The following SORCS1 variants were observed in gnomAD, a reference collection of about 807,000 sequenced individuals.
SORCS1 encodes sortilin related VPS10 domain containing receptor 1, also known as VPS10 domain-containing receptor SorCS1.
Under a neutral mutation model 146.1 loss-of-function variants are expected in SORCS1, and 60 were observed. The ratio of observed to expected loss-of-function variants is 0.41; its 90% CI spans 0.33 to 0.51. SORCS1 has a LOEUF of 0.51. Among genes scored for constraint, SORCS1 ranks in the 20% least tolerant of loss-of-function variants. The pLI is 0.21. For missense variants in SORCS1, 1,352 were observed against 1,487.6 expected, an observed-to-expected ratio of 0.91 and a Z score of 1.50; for synonymous variants, 637 against 584.0, an observed-to-expected ratio of 1.09 and a Z score of -1.31.
chr10:106,833,695 G>C (rs946745240), intron 2 of SORCS1, among the ~76,000 whole-genome samples: 2 of 152,156 alleles, frequency 1.3e-5, no homozygotes, highest in Non-Finnish European at 2.9e-5. Context: ...CTGATCTGTC[G>C]ATGCCTTTGC....
chr10:106,752,390 T>C (rs1858323769), intron 5 of SORCS1, among the ~76,000 whole-genome samples: 1 of 152,194 alleles, frequency 6.6e-6, no homozygotes, highest in African/African-American at 2.4e-5. Flanking sequence ...CATCTTTGTA[T>C]TCAAAGACTA....
At chr10:107,102,601 G>A (rs147091842) in intron 1 of SORCS1, among the ~76,000 whole-genome samples, 35 of 152,116 alleles carry the variant, frequency 2.3e-4, no homozygotes, top group Admixed American at 8.5e-4. Context: ...TTTAGTTAGC[G>A]TTCTACCTAA....
intron 18 of SORCS1, among the ~76,000 whole-genome samples, chr10:106,637,804 A>G (rs770499061): frequency 3.3e-5 from 5 of 152,184 alleles, no homozygotes; most frequent in South Asian, 2.1e-4. Flanking sequence ...ATACCCAAAT[A>G]CTTCTGGATC....
intron 24 of SORCS1, among the ~76,000 whole-genome samples, chr10:106,587,853 G>T (rs913157917): frequency 6.6e-6 from 1 of 151,960 alleles, no homozygotes; most frequent in Admixed American, 6.6e-5. Context: ...TTTGGGGGGG[G>T]TCATGTTTTT....
At chr10:107,070,480 T>C (rs757384085) in intron 1 of SORCS1, among the ~76,000 whole-genome samples, 4 of 152,198 alleles carry the variant, frequency 2.6e-5, no homozygotes, top group Non-Finnish European at 5.9e-5. Flanking sequence ...CAGAACAAAA[T>C]TGCAGAATTT....
chr10:106,708,162 G>T (rs1589707948), intron 7 of SORCS1, among the ~76,000 whole-genome samples: 1 of 152,140 alleles, frequency 6.6e-6, no homozygotes, highest in Non-Finnish European at 1.5e-5. Context: ...ACCAATACAT[G>T]TAACTATTCG....
At chr10:107,122,882 C>A (rs1212591631) in intron 1 of SORCS1, among the ~76,000 whole-genome samples, 3 of 152,056 alleles carry the variant, frequency 2.0e-5, no homozygotes, top group Admixed American at 2.0e-4. Flanking sequence ...TTGATGTCAT[C>A]CTAGACATTG....
the SORCS1 span, among the ~76,000 whole-genome samples, chr10:107,175,877 T>C: frequency 1.3e-5 from 2 of 152,242 alleles, no homozygotes; most frequent in Admixed American, 1.3e-4. Context: ...GTTAGATCTA[T>C]ATTAATGTCC....
At chr10:106,623,770 G>C (rs1847902470) in intron 19 of SORCS1, among the ~76,000 whole-genome samples, 1 of 152,086 alleles carries the variant, frequency 6.6e-6, no homozygotes, top group Non-Finnish European at 1.5e-5. Context: ...GGTTCAAGCA[G>C]TTCTCCTGCC....
chr10:106,928,974 A>G (rs941894471), intron 2 of SORCS1, among the ~76,000 whole-genome samples: 1 of 151,510 alleles, frequency 6.6e-6, no homozygotes, highest in Non-Finnish European at 1.5e-5. Flanking sequence ...TATAGGAAAA[A>G]TAGAACAAAT....
At chr10:106,968,230 T>C (rs1040152639) in intron 1 of SORCS1, among the ~76,000 whole-genome samples, 1 of 151,738 alleles carries the variant, frequency 6.6e-6, no homozygotes, top group Non-Finnish European at 1.5e-5. Context: ...AGAAAAGATG[T>C]ACCAATACTT....
chr10:106,705,189 A>G (rs1854430194), intron 8 of SORCS1, among the ~76,000 whole-genome samples: 1 of 152,198 alleles, frequency 6.6e-6, no homozygotes, highest in African/African-American at 2.4e-5. Context: ...CTGGATAATT[A>G]CCACAGTCAT....
At chr10:106,896,469 G>C (rs1951482733) in intron 2 of SORCS1, among the ~76,000 whole-genome samples, 1 of 151,198 alleles carries the variant, frequency 6.6e-6, no homozygotes, top group Non-Finnish European at 1.5e-5. Context: ...TAGAATAGTG[G>C]CTCCTAGGGA....
intron 2 of SORCS1, among the ~76,000 whole-genome samples, chr10:106,953,991 A>T (rs1456164113): frequency 2.0e-5 from 3 of 152,158 alleles, no homozygotes; most frequent in African/African-American, 7.2e-5. Flanking sequence ...TACTAATGGG[A>T]TGTGATGCCA....
intron 2 of SORCS1, among the ~76,000 whole-genome samples, chr10:106,943,058 C>CA (rs2138776112): frequency 6.6e-6 from 1 of 152,290 alleles, no homozygotes; most frequent in African/African-American, 2.4e-5. Context: ...CAGAGGTGCT[C>CA]AGTGGGCATC....
intron 2 of SORCS1, among the ~76,000 whole-genome samples, chr10:106,938,647 G>A (rs942484725): frequency 6.6e-6 from 1 of 152,212 alleles, no homozygotes; most frequent in Non-Finnish European, 1.5e-5. Flanking sequence ...CAAAGAATAA[G>A]CAGGCAGCAA....
intron 17 of SORCS1, among the ~76,000 whole-genome samples, chr10:106,663,621 G>A (rs755711738): frequency 6.6e-6 from 1 of 152,116 alleles, no homozygotes; most frequent in Non-Finnish European, 1.5e-5. Context: ...CTGTGGTGAG[G>A]GGCTGAAGTG....
At chr10:107,124,121 T>C (rs1364567055) in intron 1 of SORCS1, among the ~76,000 whole-genome samples, 2 of 150,806 alleles carry the variant, frequency 1.3e-5, no homozygotes, top group East Asian at 3.9e-4. Flanking sequence ...ATGGAGACAA[T>C]GCAAACTGTG....
intron 23 of SORCS1, among the ~76,000 whole-genome samples, chr10:106,602,400 TA>T (rs1051744252): frequency 1.3e-5 from 2 of 152,096 alleles, no homozygotes; most frequent in African/African-American, 4.8e-5. Flanking sequence ...CCTTTTGTGT[TA>T]AACAGAGGAA....
Sources: gnomAD v4.1 joint callset for allele counts (sites outside exome capture counted in the v4.1 genomes callset) on GRCh38, gnomAD v4.1.1 for gene constraint, MANE v1.5 for transcripts, NCBI Gene and HGNC (gene_info 2026-07-23, HGNC 2026-07-21) for gene names.